The following RGL1 variants were observed in gnomAD, a reference collection of about 807,000 sequenced individuals.
The protein encoded by RGL1 is ral guanine nucleotide dissociation stimulator-like 1.
Under a neutral mutation model 95.2 loss-of-function variants are expected in RGL1, and 24 were observed. The ratio of observed to expected loss-of-function variants is 0.25; its 90% CI spans 0.18 to 0.35. RGL1 has a LOEUF of 0.35. Ranked by LOEUF, RGL1 falls within the 10% of genes least tolerant of loss-of-function variation. The pLI is 1.00. For synonymous variants in RGL1, 329 were observed against 344.9 expected (o/e 0.95, Z 0.51); for missense variants, 715 against 936.3 (o/e 0.76, Z 3.08).
At chr1:183,680,412 C>T (rs906620410) in intron 1 of RGL1, among the ~76,000 whole-genome samples, 4 of 151,920 alleles carry the variant, frequency 2.6e-5, no homozygotes, top group African/African-American at 9.7e-5. Flanking sequence ...AGGAAGGGGC[C>T]CAGTTTCAGT....
At position 183,874,372 on chromosome 1, in the gene RGL1, G is replaced by A. The variant is rs190190723; in HGVS notation, c.426-6244G>A. ...GTACTTAGCTTGGGAATGAAAGACAGGTGTGTAAATAACCTTGACTTTGGG... is the reference window on the plus strand; with the variant it reads ...GTACTTAGCTTGGGAATGAAAGACAAGTGTGTAAATAACCTTGACTTTGGG... On this transcript the variant is annotated intron_variant, in intron 4 of 17. Coordinates refer to ENST00000360851, the MANE Select transcript of RGL1 (RefSeq NM_001297671.3). Among the ~76,000 whole-genome samples the A allele has an allele frequency of 1.5e-4, 23 of 152,272 alleles. No homozygotes were observed. In the East Asian group the frequency reaches 4.4e-3, roughly 29 times the overall value.
chr1:183,689,071 T>G (rs1265618508), intron 1 of RGL1, among the ~76,000 whole-genome samples: 1 of 152,148 alleles, frequency 6.6e-6, no homozygotes, highest in African/African-American at 2.4e-5. Context: ...ATTAAAAATA[T>G]TCTCTATAAA....
At chr1:183,901,171 T>C (rs1225923345) in intron 11 of RGL1, among the ~76,000 whole-genome samples, 1 of 151,920 alleles carries the variant, frequency 6.6e-6, no homozygotes, top group African/African-American at 2.4e-5. Flanking sequence ...TGGTGACACA[T>C]GCCTGTAGTC....
At chr1:183,778,616 T>C (rs1659721484) in intron 2 of RGL1, among the ~76,000 whole-genome samples, 1 of 151,510 alleles carries the variant, frequency 6.6e-6, no homozygotes, top group Non-Finnish European at 1.5e-5. Flanking sequence ...ACTGGGAGGG[T>C]TCTTTAAAGA....
At chr1:183,683,949 G>C (rs1281744591) in intron 1 of RGL1, among the ~76,000 whole-genome samples, 2 of 151,922 alleles carry the variant, frequency 1.3e-5, no homozygotes, top group Admixed American at 1.3e-4. Context: ...TCTTCCGCTT[G>C]TTCAATTTGG....
chr1:183,815,386 G>A (rs1055628248), intron 2 of RGL1, among the ~76,000 whole-genome samples: 6 of 152,170 alleles, frequency 3.9e-5, no homozygotes, highest in Non-Finnish European at 2.9e-5. Context: ...GAAGCACAGG[G>A]AAAAGACTTG....
chr1:183,790,146 C>T (rs867583384), intron 2 of RGL1, among the ~76,000 whole-genome samples: 2 of 151,934 alleles, frequency 1.3e-5, no homozygotes, highest in African/African-American at 4.8e-5. Context: ...TAGCTGGTCT[C>T]GAACTCCTGA....
chr1:183,759,404 A>G (rs898565550), intron 2 of RGL1, among the ~76,000 whole-genome samples: 1 of 152,120 alleles, frequency 6.6e-6, no homozygotes, highest in African/African-American at 2.4e-5. Context: ...GCAGATAAAT[A>G]CTGTCTCCTG....
intron 5 of RGL1, among the ~76,000 whole-genome samples, chr1:183,882,700 T>A (rs994591242): frequency 1.3e-5 from 2 of 152,158 alleles, no homozygotes; most frequent in Non-Finnish European, 2.9e-5. Context: ...GCCACCAGTA[T>A]AGGCAGATAA....
chr1:183,722,612 A>G lies in RGL1; in HGVS notation c.-32-19514A>G, dbSNP rs1388605045. Among the ~76,000 whole-genome samples the G allele has an allele frequency of 2.6e-5, 4 of 152,216 alleles. No individual in the cohort carries two copies. The East Asian group carries it at 7.7e-4, about 29-fold the overall frequency. ...AAAGGGCACATTCCATACAGGGAACAACATAAAAATAATTACAACAGAGTT... is the reference window on the plus strand; with the variant it reads ...AAAGGGCACATTCCATACAGGGAACGACATAAAAATAATTACAACAGAGTT... On this transcript the variant is annotated intron_variant, in intron 1 of 18. Coordinates refer to the RGL1 transcript ENST00000304685.
At chr1:183,657,078 T>C (rs2102013818) in intron 1 of RGL1, among the ~76,000 whole-genome samples, 1 of 151,756 alleles carries the variant, frequency 6.6e-6, no homozygotes, top group African/African-American at 2.4e-5. Context: ...AATTTTAGAA[T>C]TTTTTTTATT....
At chr1:183,651,981 C>T (rs1650790408) in intron 1 of RGL1, among the ~76,000 whole-genome samples, 1 of 152,204 alleles carries the variant, frequency 6.6e-6, no homozygotes, top group South Asian at 2.1e-4. Flanking sequence ...ATGTGGTCGA[C>T]TTATGGGTGG....
intron 1 of RGL1, among the ~76,000 whole-genome samples, chr1:183,660,755 A>AT (rs942411256): frequency 2.6e-5 from 4 of 151,982 alleles, no homozygotes; most frequent in Non-Finnish European, 5.9e-5. Context: ...CAGAATATAC[A>AT]TTTTTTTCAG....
At position 183,752,704 on chromosome 1, in the gene RGL1, CTT is replaced by C. The variant is rs869274645; in HGVS notation, c.132+10417_132+10418del. 2.2e-3 allele frequency among the ~76,000 whole-genome samples: 327 copies of C among 145,974 alleles called. 8 individuals carry two copies. The highest frequency in any genetic ancestry group is 7.2e-3 in the Middle Eastern group (2 of 278). ...TCTCTCTCTCTCTCTCTCTCTCTCTCTTTCCCCTTTCCTCTCTTTGGCCTTAA... is the reference window on the plus strand; with the variant it reads ...TCTCTCTCTCTCTCTCTCTCTCTCTCTCCCCTTTCCTCTCTTTGGCCTTAA... On this transcript the variant is annotated intron_variant, in intron 2 of 18. Transcript: ENST00000304685.
chr1:183,762,628 CAT>C (rs1226451456), intron 2 of RGL1, among the ~76,000 whole-genome samples: 1 of 152,178 alleles, frequency 6.6e-6, no homozygotes, highest in Non-Finnish European at 1.5e-5. Context: ...AGCCAACAAA[CAT>C]ATGAAAAGAA....
intron 2 of RGL1, among the ~76,000 whole-genome samples, chr1:183,749,515 A>G (rs1287170093): frequency 6.6e-6 from 1 of 151,936 alleles, no homozygotes; most frequent in Admixed American, 6.5e-5. Context: ...TCTTTATCCA[A>G]TTTTCCAGTC....
chr1:183,721,804 T>A (rs1159202792), intron 1 of RGL1, among the ~76,000 whole-genome samples: 2 of 152,228 alleles, frequency 1.3e-5, no homozygotes, highest in African/African-American at 4.8e-5. Flanking sequence ...AGACCTACAC[T>A]GTGCCTGTGT....
chr1:183,903,411 G>T, intron 12 of RGL1, among the ~76,000 whole-genome samples: 1 of 152,128 alleles, frequency 6.6e-6, no homozygotes, highest in East Asian at 1.9e-4. Context: ...AAATTTTTCT[G>T]TGATTTTCAT....
chr1:183,884,758 G>C lies in RGL1; in HGVS notation c.771G>C (p.Leu257=), dbSNP rs1329031886. Residue 257 remains leucine (L), a synonymous_variant, in exon 7 of 18, where the codon CTG becomes CTC. Transcript: ENST00000360851. ...AGAAAGTAGTGCCTCACCACTGCCT[G>C]GGCTGCATTTGGTCTCGAAGGGATA... is the stretch of plus-strand genomic sequence containing the variant. ...LFKKVVPHHC[L]GCIWSRRDKK... The C allele has an allele frequency of 6.2e-7, 1 of 1,613,904 alleles. No individual in the cohort carries two copies. The highest frequency in any genetic ancestry group is 8.5e-7 in the Non-Finnish European group (1 of 1,179,960).
Sources: allele counts gnomAD v4.1 joint callset (sites outside exome capture counted in the v4.1 genomes callset), GRCh38; gene constraint gnomAD v4.1.1; transcripts MANE v1.5; gene names NCBI Gene and HGNC (gene_info 2026-07-23, HGNC 2026-07-21).